Variants in STK24 observed in about 807,000 individuals in gnomAD.
STK24 encodes serine/threonine-protein kinase 24.
In STK24, 21 loss-of-function variants were observed where a neutral mutation model predicts 55.6. The ratio of observed to expected loss-of-function variants is 0.38; its 90% confidence interval spans 0.27 to 0.54. The LOEUF is 0.54. STK24 is among the 20% of genes least tolerant of loss of function. The pLI is 0.79. For missense variants in STK24, 383 were observed against 538.4 expected (o/e 0.71, Z 2.86); for synonymous variants, 200 against 215.2 (o/e 0.93, Z 0.62).
chr13:98,531,970 C>T (rs1350580116), intron 1 of STK24, among the ~76,000 whole-genome samples: 1 of 152,174 alleles, frequency 6.6e-6, no homozygotes, highest in Admixed American at 6.5e-5. Context: ...GGATTCTCAA[C>T]CTGGGCTGCA....
At chr13:98,545,840 ATG>A (rs1897016283) in intron 1 of STK24, among the ~76,000 whole-genome samples, 2 of 152,180 alleles carry the variant, frequency 1.3e-5, no homozygotes, top group African/African-American at 4.8e-5. Context: ...TAATTACTGC[ATG>A]ACTTTTAAAC....
In STK24 at chr13:98,447,763, G is replaced by A. The variant is rs77818202; in HGVS notation, c.*5410C>T. ...CCTGGGAGGCCAAGGCTGGAGGATC[G>A]ATTGAGCCCAGGAGGTAGCTACAGT... On this transcript the variant is annotated 3_prime_UTR_variant, in exon 11 of 11. Transcript: ENST00000539966. 465 of 159,074 alleles carry A rather than the reference G, an allele frequency of 2.9e-3. 2 individuals carry two copies. Among genetic ancestry groups the A allele is most frequent in the African/African-American group, 0.01 (420 of 41,570 alleles). 9.9% of individuals were successfully genotyped at this position (159,074 alleles called of 1,614,324 possible). A position where few individuals can be genotyped will look rare whatever the true frequency, so the allele number is the denominator to read the frequency against.
intron 2 of STK24, among the ~76,000 whole-genome samples, chr13:98,517,969 T>G (rs1011627013): frequency 3.2e-4 from 48 of 152,328 alleles, no homozygotes; most frequent in African/African-American, 1.1e-3. Flanking sequence ...CTTTGTAACA[T>G]ATGATATATA....
At position 98,511,445 on chromosome 13, in the gene STK24, A is replaced by G. The variant is rs142296974; in HGVS notation, c.273+7798T>C. Among the ~76,000 whole-genome samples the G allele has an allele frequency of 8.2e-3, 1,249 of 152,356 alleles. 16 individuals carry two copies. Among genetic ancestry groups the G allele is most frequent in the African/African-American group, 0.029 (1,188 of 41,582 alleles). ...TAGAAATTAAATACCTATCCTACTC[A>G]TAAGTATTTGCTCTAGAAAAATGAA... On this transcript the variant is annotated intron_variant, in intron 2 of 10. Coordinates refer to ENST00000539966, the MANE Select transcript of STK24 (RefSeq NM_001032296.4).
intron 1 of STK24, among the ~76,000 whole-genome samples, chr13:98,536,373 T>TC (rs1303279636): frequency 2.0e-5 from 3 of 150,024 alleles, no homozygotes; most frequent in South Asian, 2.1e-4. Context: ...TTTTTTTTTT[T>TC]CTCTTCCAAG....
chr13:98,509,774 C>G (rs901583245), intron 2 of STK24, among the ~76,000 whole-genome samples: 1 of 152,092 alleles, frequency 6.6e-6, no homozygotes, highest in Admixed American at 6.6e-5. Context: ...CAGGCCTGCC[C>G]GAGAACTTAC....
intron 2 of STK24, among the ~76,000 whole-genome samples, chr13:98,483,193 C>A (rs140267229): frequency 2.6e-5 from 4 of 152,234 alleles, no homozygotes; most frequent in African/African-American, 9.6e-5. Context: ...TCCCACTTCA[C>A]GACCTAGGGG....
chr13:98,543,010 G>C, intron 1 of STK24: 1 of 985,306 alleles, frequency 1.0e-6, no homozygotes, highest in Non-Finnish European at 1.2e-6. Context: ...AGCTAGCGTG[G>C]ACCTGGAAGG....
chr13:98,551,606 C>T (rs1303133840), intron 1 of STK24, among the ~76,000 whole-genome samples: 1 of 152,074 alleles, frequency 6.6e-6, no homozygotes, highest in Non-Finnish European at 1.5e-5. Flanking sequence ...GTGAAGAGAC[C>T]CACCTGCCTG....
At chr13:98,567,559 G>A (rs1011613874) in intron 1 of STK24, among the ~76,000 whole-genome samples, 2 of 152,308 alleles carry the variant, frequency 1.3e-5, no homozygotes, top group African/African-American at 4.8e-5. Context: ...TTCAAGTTGG[G>A]GAGGTGGAGG....
At chr13:98,525,270 G>C (rs1275627658) in intron 1 of STK24, among the ~76,000 whole-genome samples, 1 of 152,242 alleles carries the variant, frequency 6.6e-6, no homozygotes, top group Non-Finnish European at 1.5e-5. Context: ...GGTTTGGGCT[G>C]AACTAAGCAC....
At chr13:98,474,029 C>G (rs538420584) in intron 5 of STK24, among the ~76,000 whole-genome samples, 4 of 152,274 alleles carry the variant, frequency 2.6e-5, no homozygotes, top group African/African-American at 9.6e-5. Context: ...GCCAATTCTC[C>G]GTGGATCATG....
At chr13:98,528,109 A>G (rs1274512027) in intron 1 of STK24, among the ~76,000 whole-genome samples, 1 of 152,136 alleles carries the variant, frequency 6.6e-6, no homozygotes, top group African/African-American at 2.4e-5. Context: ...ACTCTCATTC[A>G]TGAGGATATG....
intron 1 of STK24, among the ~76,000 whole-genome samples, chr13:98,554,400 T>C (rs1194325359): frequency 6.6e-6 from 1 of 152,212 alleles, no homozygotes; most frequent in Non-Finnish European, 1.5e-5. Flanking sequence ...GGCGCTCCAA[T>C]GTAACCTGCC....
intron 6 of STK24, 75 bp downstream of exon 6, chr13:98,466,301 C>A: frequency 3.5e-6 from 5 of 1,426,782 alleles, no homozygotes; most frequent in East Asian, 2.4e-5. Flanking sequence ...GTGATTAAAG[C>A]AATCCCAACA....
At position 98,451,012 on chromosome 13, in the gene STK24, GTA is replaced by G. The variant is rs1471845541; in HGVS notation, c.*2159_*2160del. 2 of 152,184 alleles carry G rather than the reference GTA, an allele frequency of 1.3e-5. No homozygotes were observed. The highest frequency in any genetic ancestry group is 4.8e-5 in the African/African-American group (2 of 41,424). 9.4% of individuals were successfully genotyped at this position (152,184 alleles called of 1,614,324 possible). A position where few individuals can be genotyped will look rare whatever the true frequency, so the allele number is the denominator to read the frequency against. ...GTTGCTCTACGGGGGAAGGGGCTGAGTATGATTTGTCTGGCGACTGCAGAGAC... is the reference window on the plus strand; with the variant it reads ...GTTGCTCTACGGGGGAAGGGGCTGAGTGATTTGTCTGGCGACTGCAGAGAC... On this transcript the variant is annotated 3_prime_UTR_variant, in exon 11 of 11. Transcript: ENST00000539966.
At chr13:98,459,855 A>G (rs551725224) in intron 9 of STK24, among the ~76,000 whole-genome samples, 1 of 152,188 alleles carries the variant, frequency 6.6e-6, no homozygotes, top group Non-Finnish European at 1.5e-5. Flanking sequence ...AAATCTCTCA[A>G]AACACGGCCA....
rs750967232 is a variant in STK24, at chr13:98,474,977, C to T, written c.441G>A (p.Ala147=). The part of the protein sequence containing the change: ...SEKKIHRDIK[A]ANVLLSEHGE... ...CATGCTCAGACAGCAGGACGTTGGC[C>T]GCTGCAAAAGAAAGCCAAGGCGGCC... The change falls in exon 5 of 11, where the codon GCG becomes GCA. Residue 147 remains alanine (A), a splice_region_variant and synonymous_variant. Coordinates refer to ENST00000539966, the MANE Select transcript of STK24 (RefSeq NM_001032296.4). 5.6e-6 allele frequency: 9 copies of T among 1,608,866 alleles called. No homozygotes were observed. Among genetic ancestry groups the T allele is most frequent in the African/African-American group, 2.7e-5 (2 of 74,698 alleles).
chr13:98,484,060 T>C (rs777651429), intron 2 of STK24, among the ~76,000 whole-genome samples: 1 of 152,234 alleles, frequency 6.6e-6, no homozygotes, highest in African/African-American at 2.4e-5. Flanking sequence ...GACAGGCATG[T>C]CGCTCATTCA....
Sources: gnomAD v4.1 joint callset for allele counts (sites outside exome capture counted in the v4.1 genomes callset) on GRCh38, gnomAD v4.1.1 for gene constraint, MANE v1.5 for transcripts, NCBI Gene and HGNC (gene_info 2026-07-23, HGNC 2026-07-21) for gene names.